EVC2: variants seen among roughly 807,000 people sequenced by gnomAD.
EVC2 encodes the protein EvC ciliary complex subunit 2, also known as limbin.
In EVC2, 148 loss-of-function variants were observed where a neutral mutation model predicts 149.3. The observed-to-expected ratio is 0.99, with a 90% CI of 0.87 to 1.14. The LOEUF (loss-of-function observed/expected upper bound fraction) is 1.14. EVC2 is among the 50% of genes most tolerant of loss of function. EVC2 has a pLI of 0.00. For synonymous variants in EVC2, 776 were observed against 649.9 expected (o/e 1.19, Z -2.95); for missense variants, 1,854 against 1,627.3 (o/e 1.14, Z -2.40).
At chr4:5,559,403 C>A (rs904050064), downstream of EVC2, among the ~76,000 whole-genome samples, 3 of 152,050 alleles carry the variant, frequency 2.0e-5, no homozygotes, top group African/African-American at 7.2e-5. This position sits in a 1 kb window ranked among gnomAD's most constrained non-coding sequence, Gnocchi z 5.0. Flanking sequence ...AGCTTAGAGG[C>A]CTAGAAGTAA....
At chr4:5,568,364 C>A in intron 20 of EVC2, 80 bp downstream of exon 20, 2 of 1,352,366 alleles carry the variant, frequency 1.5e-6, no homozygotes, top group Non-Finnish European at 2.0e-6. Context: ...AATACATGGG[C>A]CTCCCATGAC....
intron 15 of EVC2, among the ~76,000 whole-genome samples, chr4:5,616,515 G>A (rs1715267887): frequency 6.6e-6 from 1 of 152,210 alleles, no homozygotes; most frequent in Non-Finnish European, 1.5e-5. Flanking sequence ...ACACAACGGT[G>A]GGTGAGAACG....
intron 16 of EVC2, among the ~76,000 whole-genome samples, chr4:5,590,977 C>G (rs1046052144): frequency 6.6e-6 from 1 of 152,128 alleles, no homozygotes; most frequent in Non-Finnish European, 1.5e-5. Flanking sequence ...TGAGAACTCA[C>G]TCACTATCAC....
chr4:5,707,315 C>T (rs1041087809), intron 1 of EVC2, among the ~76,000 whole-genome samples: 8 of 152,110 alleles, frequency 5.3e-5, no homozygotes, highest in Non-Finnish European at 1.2e-4. Flanking sequence ...TTTTAAGAGA[C>T]TAAACCTCTG....
chr4:5,605,393 T>C (rs1489872714), intron 16 of EVC2, among the ~76,000 whole-genome samples: 1 of 152,178 alleles, frequency 6.6e-6, no homozygotes, highest in Non-Finnish European at 1.5e-5. Flanking sequence ...TTTAATGTGG[T>C]GAGCCTGCTG....
intron 21 of EVC2, among the ~76,000 whole-genome samples, chr4:5,544,507 A>C (rs980707721): frequency 6.6e-6 from 1 of 152,220 alleles, no homozygotes; most frequent in Admixed American, 6.5e-5. Flanking sequence ...AGTGCAACAC[A>C]ATCAGTGCAG....
At chr4:5,564,095 C>T (rs1408906251) in intron 21 of EVC2, among the ~76,000 whole-genome samples, 2 of 152,150 alleles carry the variant, frequency 1.3e-5, no homozygotes, top group Non-Finnish European at 2.9e-5. Flanking sequence ...TGCATGTCAA[C>T]GGCAGGCTTG....
intron 9 of EVC2, among the ~76,000 whole-genome samples, chr4:5,645,267 T>C (rs1336903799): frequency 7.6e-6 from 1 of 131,794 alleles, no homozygotes; most frequent in Non-Finnish European, 1.7e-5. Context: ...TTTTTTTTTC[T>C]TAACTTTTAA....
rs1001540988 is a variant in EVC2, at chr4:5,658,293, A to C, written c.1145+4814T>G. 2.0e-5 allele frequency among the ~76,000 whole-genome samples: 3 copies of C among 152,322 alleles called. No homozygotes were observed. The South Asian group carries it at 6.2e-4, about 32-fold the overall frequency. On this transcript the variant is annotated intron_variant, in intron 9 of 21. Coordinates refer to ENST00000344408, the MANE Select transcript of EVC2 (RefSeq NM_147127.5). ...GCATGAACCAGCAACCCAATCAAAG[A>C]ACAAGTGAACAAAGAACCTTGGATG...
chr4:5,689,446 G>A (rs940088244), intron 4 of EVC2, 103 bp from the exon 5 acceptor site: 2 of 1,160,776 alleles, frequency 1.7e-6, no homozygotes, highest in African/African-American at 1.5e-5. Flanking sequence ...CCAGGAAGAA[G>A]GAGGGTAGCA....
In EVC2 at chr4:5,625,592, G is replaced by C. The variant is rs900512410; in HGVS notation, c.2046+157C>G. Among the ~76,000 whole-genome samples, 1 of 152,132 alleles carries C rather than the reference G, an allele frequency of 6.6e-6. No individual in the cohort carries two copies. Among genetic ancestry groups the C allele is most frequent in the African/African-American group, 2.4e-5 (1 of 41,428 alleles). On this transcript the variant is annotated intron_variant, in intron 13 of 21. Transcript: ENST00000344408. The surrounding 1 kb of genome is among the most constrained non-coding windows in gnomAD (Gnocchi z 4.0). ...CCTGCTGAACACAGCATTCCAAAAA[G>C]TCGCTACCAATCAACAGTAGATGGC...
chr4:5,594,017 G>A (rs951078507), intron 16 of EVC2, among the ~76,000 whole-genome samples: 30 of 152,190 alleles, frequency 2.0e-4, no homozygotes, highest in Non-Finnish European at 3.4e-4. Context: ...GAGGCTGGGG[G>A]AGGGGTGCCC....
At chr4:5,662,127 A>C (rs1322960331) in intron 9 of EVC2, among the ~76,000 whole-genome samples, 1 of 152,136 alleles carries the variant, frequency 6.6e-6, no homozygotes, top group Non-Finnish European at 1.5e-5. Flanking sequence ...CATCAGCCAC[A>C]CTTGGCTACT....
At chr4:5,535,620 A>AGAGAGAGAGAGAGC in the EVC2 span, among the ~76,000 whole-genome samples, 2 of 150,798 alleles carry the variant, frequency 1.3e-5, no homozygotes, top group Non-Finnish European at 2.9e-5. This position sits in a 1 kb window ranked among gnomAD's most constrained non-coding sequence, Gnocchi z 4.7. Context: ...AGAGAGAGAG[A>AGAGAGAGAGAGAGC]GAGAGAGAGA....
At chr4:5,672,925 T>C (rs926626832) in intron 7 of EVC2, among the ~76,000 whole-genome samples, 7 of 152,282 alleles carry the variant, frequency 4.6e-5, no homozygotes, top group African/African-American at 1.2e-4. Flanking sequence ...ATTCCACTTA[T>C]CTGAAATGTA....
chr4:5,623,005 A>C lies in EVC2; in HGVS notation c.2047-14T>G. ...CTGCTCCCTGTGCTGGAGTTTCAGA[A>C]AAGAAAATTAAGTGGGGGTGGGGCT... On this transcript the variant is annotated splice_polypyrimidine_tract_variant and intron_variant, in intron 13 of 21. Coordinates refer to ENST00000344408, the MANE Select transcript of EVC2 (RefSeq NM_147127.5). The C allele has an allele frequency of 6.2e-7, 1 of 1,613,424 alleles. No homozygotes were observed. The highest frequency in any genetic ancestry group is 8.5e-7 in the Non-Finnish European group (1 of 1,179,858).
rs1288716061 is a variant in EVC2 at position 5,633,109 on chromosome 4, G to C, written c.1471-1077C>G. 1.3e-5 allele frequency among the ~76,000 whole-genome samples: 2 copies of C among 152,200 alleles called. No homozygotes were observed. Among genetic ancestry groups the C allele is most frequent in the African/African-American group, 4.8e-5 (2 of 41,450 alleles). ...GCATTGGAGCCTTCCTAAAGAGAGA[G>C]ACCCTCTCCTGCTGGCTTTGAAGAA... On this transcript the variant is annotated intron_variant, in intron 10 of 21. Coordinates refer to ENST00000344408, the MANE Select transcript of EVC2 (RefSeq NM_147127.5). The surrounding 1 kb of genome is among the most constrained non-coding windows in gnomAD (Gnocchi z 4.4).
Position 5,708,461 on chromosome 4 carries a change from A to C in EVC2, c.53T>G (p.Leu18Arg). Residue 18 changes from leucine (L) to arginine (R), a missense_variant, in exon 1 of 22, where the codon CTC becomes CGC. Physicochemically the swap from Leu to Arg is moderately radical, Grantham distance 102 (BLOSUM62 -2). Transcript: ENST00000344408. The part of the protein sequence containing the change: ...GRPTWVLAGG[L>R]LAVALALGGR... Reference sequence around the variant, plus strand: ...CCCCAGCGCCAGGGCCACTGCCAGGAGACCCCCGGCCAGCACCCACGTGGG... The same window carrying C: ...CCCCAGCGCCAGGGCCACTGCCAGGCGACCCCCGGCCAGCACCCACGTGGG... 2.0e-6 allele frequency: 3 copies of C among 1,506,944 alleles called. No homozygotes were observed. The highest frequency in any genetic ancestry group is 2.6e-6 in the Non-Finnish European group (3 of 1,135,424). The allele number at this position is 1,506,944 out of a possible 1,614,324, so 93.3% of individuals were successfully genotyped here.
In EVC2 at chr4:5,686,003, T is replaced by C. The variant is rs1267641387; in HGVS notation, c.707-524A>G. Reference sequence around the variant, plus strand: ...TACTTATAGCCCTAAAACGCCACAATATGCCTCATTTCTCAATGTATGCAG... The same window carrying C: ...TACTTATAGCCCTAAAACGCCACAACATGCCTCATTTCTCAATGTATGCAG... On this transcript the variant is annotated intron_variant, in intron 5 of 21. Coordinates refer to ENST00000344408, the MANE Select transcript of EVC2 (RefSeq NM_147127.5). The surrounding 1 kb of genome is among the most constrained non-coding windows in gnomAD (Gnocchi z 5.4). Among the ~76,000 whole-genome samples, 2 of 151,996 alleles carry C rather than the reference T, an allele frequency of 1.3e-5. No individual in the cohort carries two copies. The highest frequency in any genetic ancestry group is 6.6e-5 in the Admixed American group (1 of 15,242).
Sources: gnomAD v4.1 joint callset for allele counts (sites outside exome capture counted in the v4.1 genomes callset) on GRCh38, gnomAD v4.1.1 for gene constraint, Gnocchi (gnomAD v3.1) non-coding constraint, MANE v1.5 for transcripts, NCBI Gene and HGNC (gene_info 2026-07-23, HGNC 2026-07-21) for gene names.